Variants in TM9SF3 observed in about 807,000 individuals in gnomAD.
The protein encoded by TM9SF3 is SM-11044-binding protein.
In TM9SF3, 14 loss-of-function variants were observed where a neutral mutation model predicts 78.6. That is an observed-to-expected ratio of 0.18 (90% CI 0.12 to 0.28). The LOEUF is 0.28. Ranked by LOEUF, TM9SF3 falls within the 10% of genes least tolerant of loss-of-function variation. TM9SF3 has a pLI of 1.00. For synonymous variants in TM9SF3, 231 were observed against 241.7 expected (o/e 0.96, Z 0.41); for missense variants, 496 against 721.9 (o/e 0.69, Z 3.59).
Position 96,520,088 on chromosome 10 carries a change from C to T in TM9SF3, c.*2175G>A, listed in dbSNP as rs1379462288. The stretch of plus-strand genomic sequence containing the variant: ...TTTTATTAAGACAAAACCTTACTGT[C>T]CAATTTATACTCCCATCAGACAGAC... On this transcript the variant is annotated 3_prime_UTR_variant, in exon 15 of 15. Coordinates refer to ENST00000371142, the MANE Select transcript of TM9SF3 (RefSeq NM_020123.4). 1.3e-5 allele frequency: 2 copies of T among 151,736 alleles called. No homozygotes were observed. Among genetic ancestry groups the T allele is most frequent in the Admixed American group, 6.6e-5 (1 of 15,224 alleles). 9.4% of individuals were successfully genotyped at this position (151,736 alleles called of 1,614,324 possible). A position where few individuals can be genotyped will look rare whatever the true frequency, so the allele number is the denominator to read the frequency against.
intron 7 of TM9SF3, among the ~76,000 whole-genome samples, chr10:96,550,520 G>GA (rs1393892763): frequency 2.4e-4 from 36 of 152,296 alleles, no homozygotes; most frequent in African/African-American, 8.2e-4. Flanking sequence ...GGCCGCACCT[G>GA]AAATGCCTGA....
chr10:96,540,966 C>T (rs1412912611), intron 9 of TM9SF3, among the ~76,000 whole-genome samples: 1 of 151,538 alleles, frequency 6.6e-6, no homozygotes, highest in African/African-American at 2.4e-5. Flanking sequence ...TTAGTAGAGA[C>T]GGGGTTTCAC....
intron 1 of TM9SF3, among the ~76,000 whole-genome samples, chr10:96,580,503 T>TG (rs1848554506): frequency 6.6e-6 from 1 of 152,144 alleles, no homozygotes; most frequent in African/African-American, 2.4e-5. Context: ...CCTGACCTCG[T>TG]GATCCACCCG....
At chr10:96,522,976 C>A (rs1388157381) in intron 14 of TM9SF3, among the ~76,000 whole-genome samples, 1 of 151,800 alleles carries the variant, frequency 6.6e-6, no homozygotes, top group Non-Finnish European at 1.5e-5. Flanking sequence ...GAGCTTAAAA[C>A]ACCAGAAATC....
rs78398866 is a variant in TM9SF3, at chr10:96,570,074, T to C, written c.299-4648A>G. Among the ~76,000 whole-genome samples the C allele has an allele frequency of 2.4e-3, 365 of 152,250 alleles. 1 individual carries two copies. The highest frequency in any genetic ancestry group is 7.8e-3 in the African/African-American group (322 of 41,534). Reference sequence around the variant, plus strand: ...AAACCACAGTATCCAAGTTACAGAATAGTATGTTGCCACATTTAAAAGAGT... The same window carrying C: ...AAACCACAGTATCCAAGTTACAGAACAGTATGTTGCCACATTTAAAAGAGT... On this transcript the variant is annotated intron_variant, in intron 2 of 14. Coordinates refer to ENST00000371142, the MANE Select transcript of TM9SF3 (RefSeq NM_020123.4).
In TM9SF3 at chr10:96,569,243, C is replaced by T. The variant is rs139495666; in HGVS notation, c.299-3817G>A. 3.3e-3 allele frequency among the ~76,000 whole-genome samples: 504 copies of T among 152,312 alleles called. 2 individuals are homozygous for T. Among genetic ancestry groups the T allele is most frequent in the Non-Finnish European group, 4.5e-3 (308 of 68,024 alleles). On this transcript the variant is annotated intron_variant, in intron 2 of 14. Transcript: ENST00000371142. Reference sequence around the variant, plus strand: ...TTCTTAAGTTTCCTTGGGCCTCACACCCCTTTGAGAATCCAATGAAAGTGA... The same window carrying T: ...TTCTTAAGTTTCCTTGGGCCTCACATCCCTTTGAGAATCCAATGAAAGTGA...
intron 7 of TM9SF3, among the ~76,000 whole-genome samples, chr10:96,548,366 G>C (rs576771800): frequency 2.3e-4 from 35 of 152,296 alleles, no homozygotes; most frequent in African/African-American, 7.0e-4. Flanking sequence ...GACTGGAATA[G>C]TCTGTTTCAT....
At chr10:96,584,938 C>T (rs1326053066) in intron 1 of TM9SF3, among the ~76,000 whole-genome samples, 1 of 152,158 alleles carries the variant, frequency 6.6e-6, no homozygotes, top group Non-Finnish European at 1.5e-5. Flanking sequence ...ACCATATTAT[C>T]TTTCGTGGCA....
At chr10:96,549,324 C>CATTTTCTCACCACTTTGTATTATT (rs1848140354) in intron 7 of TM9SF3, among the ~76,000 whole-genome samples, 2 of 152,140 alleles carry the variant, frequency 1.3e-5, no homozygotes, top group Admixed American at 6.5e-5. Flanking sequence ...GCAAATTTTT[C>CATTTTCTCACCACTTTGTATTATT]ATTTTCTCAC....
intron 1 of TM9SF3, among the ~76,000 whole-genome samples, chr10:96,582,077 C>A (rs1435230902): frequency 6.6e-6 from 1 of 152,056 alleles, no homozygotes; most frequent in East Asian, 1.9e-4. Context: ...ACTATTTGTG[C>A]CAAGCACAGT....
At chr10:96,576,132 G>A (rs186876733) in intron 2 of TM9SF3, among the ~76,000 whole-genome samples, 2 of 152,196 alleles carry the variant, frequency 1.3e-5, no homozygotes, top group African/African-American at 4.8e-5. Flanking sequence ...AAGTATCCAC[G>A]CATCCCATTA....
chr10:96,525,651 C>G (rs550861857), intron 14 of TM9SF3, among the ~76,000 whole-genome samples: 3 of 152,058 alleles, frequency 2.0e-5, no homozygotes, highest in African/African-American at 7.2e-5. Flanking sequence ...CATAAATAGC[C>G]AATGGCAAGT....
intron 9 of TM9SF3, among the ~76,000 whole-genome samples, chr10:96,543,430 G>C (rs920072333): frequency 1.6e-4 from 23 of 147,992 alleles, no homozygotes; most frequent in Admixed American, 7.5e-4. Flanking sequence ...CACCTCCCAG[G>C]TTCATGCCAT....
intron 6 of TM9SF3, 45 bp from the exon 7 acceptor site, chr10:96,551,456 GAATC>G (rs1848168569): frequency 1.5e-6 from 2 of 1,368,498 alleles, no homozygotes; most frequent in South Asian, 3.5e-5. Flanking sequence ...AAATCATTCA[GAATC>G]AAACTAAAAC....
At chr10:96,545,373 A>G (rs1378669908) in intron 8 of TM9SF3, among the ~76,000 whole-genome samples, 2 of 152,210 alleles carry the variant, frequency 1.3e-5, no homozygotes, top group Non-Finnish European at 2.9e-5. Flanking sequence ...ACCTAAAATC[A>G]TAACGTTCCT....
At position 96,586,847 on chromosome 10, in the gene TM9SF3, C is replaced by T. The variant is rs564014352; in HGVS notation, c.-12G>A. On this transcript the variant is annotated 5_prime_UTR_variant, in exon 1 of 15. Coordinates refer to ENST00000371142, the MANE Select transcript of TM9SF3 (RefSeq NM_020123.4). The stretch of plus-strand genomic sequence containing the variant: ...GGCAGCGGCCTCATCCTCCGCGCCC[C>T]TCCGGCCCGGAGCCGGCTCACCGAC... 13,555 of 1,209,036 alleles carry T rather than the reference C, an allele frequency of 0.011. 142 individuals are homozygous for T. Among genetic ancestry groups the T allele is most frequent in the Middle Eastern group, 0.012 (37 of 3,040 alleles). The allele number at this position is 1,209,036 out of a possible 1,614,324, so 74.9% of individuals were successfully genotyped here. A position where few individuals can be genotyped will look rare whatever the true frequency, so the allele number is the denominator to read the frequency against.
At chr10:96,525,323 G>C (rs915603844) in intron 14 of TM9SF3, among the ~76,000 whole-genome samples, 6 of 151,988 alleles carry the variant, frequency 3.9e-5, no homozygotes, top group Non-Finnish European at 8.8e-5. Context: ...CTCAAAGTTG[G>C]TTACTAATTA....
chr10:96,562,195 T>G, intron 3 of TM9SF3, 57 bp from the exon 4 acceptor site: 2 of 1,181,598 alleles, frequency 1.7e-6, no homozygotes, highest in Non-Finnish European at 2.4e-6. Context: ...TAAAATATCC[T>G]ACAAGCTAAA....
intron 2 of TM9SF3, among the ~76,000 whole-genome samples, chr10:96,575,436 A>C (rs987767839): frequency 6.6e-6 from 1 of 151,394 alleles, no homozygotes; most frequent in African/African-American, 2.4e-5. Context: ...TAATTTTATA[A>C]TTAAGCCCCA....
Sources: gnomAD v4.1 joint callset for allele counts (sites outside exome capture counted in the v4.1 genomes callset) on GRCh38, gnomAD v4.1.1 for gene constraint, MANE v1.5 for transcripts, NCBI Gene and HGNC (gene_info 2026-07-23, HGNC 2026-07-21) for gene names.